The following SGCZ variants were observed in gnomAD, a reference collection of about 807,000 sequenced individuals.
The protein encoded by SGCZ is sarcoglycan zeta.
Under a neutral mutation model 41.3 loss-of-function variants are expected in SGCZ, and 40 were observed. The observed-to-expected ratio is 0.97, with a 90% confidence interval of 0.75 to 1.26. SGCZ has a LOEUF of 1.26. SGCZ is among the 50% of genes most tolerant of loss of function. The pLI, the probability that SGCZ is intolerant of heterozygous loss-of-function variation, is 0.00. For missense variants in SGCZ, 552 were observed against 369.8 expected, an observed-to-expected ratio of 1.49 and a Z score of -4.04; for synonymous variants, 206 against 137.5, an observed-to-expected ratio of 1.50 and a Z score of -3.49.
chr8:14,469,411 C>T (rs1163072850), intron 2 of SGCZ, among the ~76,000 whole-genome samples: 1 of 152,070 alleles, frequency 6.6e-6, no homozygotes, highest in Non-Finnish European at 1.5e-5. Context: ...ATGCATGGAA[C>T]ATACCAGGAA....
intron 1 of SGCZ, among the ~76,000 whole-genome samples, chr8:14,680,156 G>A (rs7844337): frequency 0.37 from 55,573 of 151,990 alleles, 12,784 homozygotes; most frequent in African/African-American, 0.66. Flanking sequence ...GCAACGTTAT[G>A]GAGACACTAA....
At chr8:14,769,892 T>A (rs529162020) in intron 1 of SGCZ, among the ~76,000 whole-genome samples, 11 of 147,286 alleles carry the variant, frequency 7.5e-5, no homozygotes, top group African/African-American at 2.5e-4. Flanking sequence ...AAGGTGCAAC[T>A]CGATTGGACT....
At chr8:14,942,886 T>C (rs1009064153) in intron 1 of SGCZ, among the ~76,000 whole-genome samples, 19 of 152,128 alleles carry the variant, frequency 1.2e-4, no homozygotes, top group South Asian at 4.1e-4. Flanking sequence ...AGGCACTTCA[T>C]TGCATTCCCC....
At chr8:15,090,338 T>C (rs1464813487) in intron 1 of SGCZ, among the ~76,000 whole-genome samples, 1 of 152,222 alleles carries the variant, frequency 6.6e-6, no homozygotes, top group East Asian at 1.9e-4. Flanking sequence ...TTGACTTAAA[T>C]CATCCTGAAT....
chr8:14,375,179 C>T (rs148711128), intron 2 of SGCZ, among the ~76,000 whole-genome samples: 27 of 151,952 alleles, frequency 1.8e-4, no homozygotes, highest in African/African-American at 6.5e-4. Flanking sequence ...ATAAGAAGTG[C>T]AATGAAAAAA....
chr8:14,293,673 G>A lies in SGCZ; in HGVS notation c.336+30430C>T, dbSNP rs150345316. Among the ~76,000 whole-genome samples, 133 of 151,868 alleles carry A rather than the reference G, an allele frequency of 8.8e-4. 1 individual carries two copies. The highest frequency in any genetic ancestry group is 3.4e-3 in the Middle Eastern group (1 of 292). On this transcript the variant is annotated intron_variant, in intron 3 of 7. Transcript: ENST00000382080. The stretch of plus-strand genomic sequence containing the variant: ...TGCAAGGTTCATAAGGTTAATTAAC[G>A]ACTGAAATTCATGGTCCCATGAAAT...
chr8:14,271,993 T>C (rs1382919520), intron 3 of SGCZ, among the ~76,000 whole-genome samples: 1 of 152,100 alleles, frequency 6.6e-6, no homozygotes, highest in East Asian at 1.9e-4. Flanking sequence ...TTTCATTCAC[T>C]TACCAATGCC....
intron 1 of SGCZ, among the ~76,000 whole-genome samples, chr8:14,621,049 T>A (rs1305770294): frequency 1.3e-5 from 2 of 151,860 alleles, no homozygotes; most frequent in Non-Finnish European, 2.9e-5. Flanking sequence ...CCAATGTCCA[T>A]CAATGATAGA....
At chr8:14,930,026 G>C (rs1277423728) in intron 1 of SGCZ, among the ~76,000 whole-genome samples, 2 of 151,974 alleles carry the variant, frequency 1.3e-5, no homozygotes, top group African/African-American at 4.8e-5. Context: ...AGAGAAATTT[G>C]TTTTGGAGTC....
chr8:14,721,511 A>G (rs1242876909), intron 1 of SGCZ, among the ~76,000 whole-genome samples: 1 of 152,124 alleles, frequency 6.6e-6, no homozygotes, highest in Non-Finnish European at 1.5e-5. Flanking sequence ...TGCACTCCTC[A>G]TATTTCACAT....
chr8:14,344,070 G>C (rs963421079), intron 2 of SGCZ, among the ~76,000 whole-genome samples: 1 of 152,092 alleles, frequency 6.6e-6, no homozygotes, highest in African/African-American at 2.4e-5. Context: ...TTCAATATTT[G>C]ATGTTAAGAA....
chr8:14,784,639 A>G (rs879675193), intron 1 of SGCZ, among the ~76,000 whole-genome samples: 1 of 151,796 alleles, frequency 6.6e-6, no homozygotes, highest in Non-Finnish European at 1.5e-5. Flanking sequence ...TCATGCTTGT[A>G]ATCTAAGCAC....
At chr8:14,361,278 T>C (rs1214531739) in intron 2 of SGCZ, among the ~76,000 whole-genome samples, 1 of 152,182 alleles carries the variant, frequency 6.6e-6, no homozygotes, top group East Asian at 1.9e-4. Flanking sequence ...TGAAGAGCAT[T>C]TTCTAACTTG....
chr8:14,314,146 G>C (rs1487826243), intron 3 of SGCZ, among the ~76,000 whole-genome samples: 2 of 152,184 alleles, frequency 1.3e-5, no homozygotes, highest in East Asian at 1.9e-4. Context: ...TCCTTTTAAA[G>C]CTGCCCTAAC....
At chr8:14,881,103 T>A (rs937000949) in intron 1 of SGCZ, among the ~76,000 whole-genome samples, 2 of 152,132 alleles carry the variant, frequency 1.3e-5, no homozygotes, top group African/African-American at 4.8e-5. Flanking sequence ...TTATATCTAA[T>A]GAAAATAATG....
At chr8:14,573,082 G>C (rs1048881238) in intron 1 of SGCZ, among the ~76,000 whole-genome samples, 1 of 151,842 alleles carries the variant, frequency 6.6e-6, no homozygotes, top group Non-Finnish European at 1.5e-5. Flanking sequence ...ACTGGTGGTA[G>C]GTAGTTATTA....
chr8:14,098,199 A>C (rs2116969980), intron 7 of SGCZ, among the ~76,000 whole-genome samples: 1 of 152,294 alleles, frequency 6.6e-6, no homozygotes, highest in East Asian at 1.9e-4. Flanking sequence ...GCATGATTAC[A>C]GCTTGTGTTT....
rs144025696 is a variant in SGCZ, at chr8:14,716,923, C to T, written c.40-161997G>A. On this transcript the variant is annotated intron_variant, in intron 1 of 7. Coordinates refer to ENST00000382080, the MANE Select transcript of SGCZ (RefSeq NM_139167.4). ...TGAGTTTCAAAATATCCATCTAATA[C>T]AATGCAATTATATTTCATCTTATTA... 7.7e-3 allele frequency among the ~76,000 whole-genome samples: 1,171 copies of T among 152,032 alleles called. 13 individuals are homozygous for T. Among genetic ancestry groups the T allele is most frequent in the African/African-American group, 0.026 (1,085 of 41,498 alleles).
At chr8:14,227,564 T>G (rs561993945) in intron 4 of SGCZ, among the ~76,000 whole-genome samples, 1 of 152,208 alleles carries the variant, frequency 6.6e-6, no homozygotes, top group South Asian at 2.1e-4. Context: ...GAAATAATAT[T>G]GGAAACACAG....
Sources: allele counts gnomAD v4.1 joint callset (sites outside exome capture counted in the v4.1 genomes callset), GRCh38; gene constraint gnomAD v4.1.1; transcripts MANE v1.5; gene names NCBI Gene and HGNC (gene_info 2026-07-23, HGNC 2026-07-21).